Variants in IGFL4 observed in about 807,000 individuals in gnomAD.
The protein encoded by IGFL4 is insulin growth factor-like family member 4.
A neutral mutation model predicts 15.4 loss-of-function variants in IGFL4; 12 were observed. The ratio of observed to expected loss-of-function variants is 0.78; its 90% CI spans 0.50 to 1.26. The LOEUF is 1.26. Among genes scored for constraint, IGFL4 ranks in the 50% most tolerant of loss-of-function variants. IGFL4 has a pLI of 0.00. For synonymous variants in IGFL4, 54 were observed against 55.9 expected, an observed-to-expected ratio of 0.97 and a Z score of 0.16; for missense variants, 126 against 147.8, an observed-to-expected ratio of 0.85 and a Z score of 0.76.
chr19:46,056,281 CAT>C (rs1254898808), intron 2 of IGFL4, among the ~76,000 whole-genome samples: 13 of 152,236 alleles, frequency 8.5e-5, no homozygotes, highest in Non-Finnish European at 1.9e-4. Flanking sequence ...GTTCACATCT[CAT>C]GTGCTCAATT....
At position 46,040,308 on chromosome 19, in the gene IGFL4, C is replaced by T. The variant is rs17271272; in HGVS notation, c.179G>A (p.Arg60Gln). Residue 60 changes from arginine (R) to glutamine (Q), a missense_variant, in exon 3 of 4, where the codon CGG becomes CAG. Arg to Gln is a conservative substitution (Grantham distance 43, BLOSUM62 1). Coordinates refer to ENST00000377697, the MANE Select transcript of IGFL4 (RefSeq NM_001002923.3). This position sits in a 1 kb window ranked among gnomAD's most constrained non-coding sequence, Gnocchi z 4.1. Reference sequence around the variant, plus strand: ...GAAGGTGCAGCTGGAGCCGCAGAGCCGGGTCTGGTTCAAGTCTAGGATGAC... The same window carrying T: ...GAAGGTGCAGCTGGAGCCGCAGAGCTGGGTCTGGTTCAAGTCTAGGATGAC... ...DGVILDLNQT[R>Q]LCGSSCTFWP... 239,458 of 1,613,996 alleles carry T rather than the reference C, an allele frequency of 0.15. 18,893 individuals carry two copies. The highest frequency in any genetic ancestry group is 0.2 in the South Asian group (18,130 of 91,064).
intron 3 of IGFL4, 62 bp from the exon 4 acceptor site, chr19:46,039,998 G>A (rs2146507214): frequency 6.6e-7 from 1 of 1,521,998 alleles, no homozygotes; most frequent in South Asian, 1.1e-5. Context: ...CAGTGGCGGG[G>A]AAGGAACAGA....
chr19:46,072,764 T>C (rs1246551745), intron 1 of IGFL4, among the ~76,000 whole-genome samples: 1 of 152,118 alleles, frequency 6.6e-6, no homozygotes, highest in Non-Finnish European at 1.5e-5. Flanking sequence ...GTGTGAAATA[T>C]AGTGGCAGCC....
chr19:46,074,985 T>C (rs546446185), intron 1 of IGFL4, among the ~76,000 whole-genome samples: 5 of 152,306 alleles, frequency 3.3e-5, no homozygotes, highest in South Asian at 2.1e-4. Flanking sequence ...TAAGCCCAGA[T>C]TGAAGAGGAA....
intron 2 of IGFL4, among the ~76,000 whole-genome samples, chr19:46,055,014 G>A (rs1969380290): frequency 6.6e-6 from 1 of 152,084 alleles, no homozygotes; most frequent in South Asian, 2.1e-4. Flanking sequence ...GACATCTTTG[G>A]TGTCTTGGTG....
At chr19:46,041,437 T>C (rs1969241993), upstream of IGFL4, among the ~76,000 whole-genome samples, 1 of 152,222 alleles carries the variant, frequency 6.6e-6, no homozygotes, top group South Asian at 2.1e-4. Context: ...GCACTGTCTA[T>C]AATTTTTCAG....
intron 2 of IGFL4, chr19:46,058,504 C>A: frequency 6.6e-6 from 1 of 152,448 alleles, no homozygotes; most frequent in Non-Finnish European, 1.5e-5. Context: ...GGACGCTGGC[C>A]CTCTCCTCAC....
intron 2 of IGFL4, among the ~76,000 whole-genome samples, chr19:46,052,653 C>T (rs921576343): frequency 1.3e-4 from 19 of 150,902 alleles, no homozygotes; most frequent in South Asian, 2.1e-4. Context: ...ACCCAGGAGT[C>T]GGAGGTTGCA....
At chr19:46,055,934 G>T (rs1486041887) in intron 2 of IGFL4, among the ~76,000 whole-genome samples, 1 of 152,032 alleles carries the variant, frequency 6.6e-6, no homozygotes, top group Non-Finnish European at 1.5e-5. Context: ...CCACCACCGT[G>T]CCCAGCTAAT....
rs1390304764 is a variant in IGFL4, at chr19:46,058,090, T to C, written c.-323+2095A>G. 2.0e-5 allele frequency: 3 copies of C among 152,096 alleles called. No homozygotes were observed. The East Asian group carries it at 5.8e-4, about 29-fold the overall frequency. The allele number at this position is 152,096 out of a possible 1,614,324, so 9.4% of individuals were successfully genotyped here. The stretch of plus-strand genomic sequence containing the variant: ...ATTCTTAACTCATTTCAGCATAAAC[T>C]TAAAAGTCCATAGTCCAAAGTCTCA... On this transcript the variant is annotated intron_variant, in intron 2 of 5. Transcript: ENST00000601672.
At chr19:46,062,226 C>T (rs1360076485) in intron 1 of IGFL4, among the ~76,000 whole-genome samples, 1 of 152,138 alleles carries the variant, frequency 6.6e-6, no homozygotes, top group African/African-American at 2.4e-5. Context: ...TGAACTTTAC[C>T]AAAGGAAAAC....
Position 46,057,571 on chromosome 19 carries a change from G to T in IGFL4, c.-323+2614C>A, listed in dbSNP as rs555199441. 2.8e-4 allele frequency: 43 copies of T among 152,286 alleles called. 1 individual carries two copies. The Middle Eastern group carries it at 0.017, about 60-fold the overall frequency. The allele number at this position is 152,286 out of a possible 1,614,324, so 9.4% of individuals were successfully genotyped here. A position where few individuals can be genotyped will look rare whatever the true frequency, so the allele number is the denominator to read the frequency against. On this transcript the variant is annotated intron_variant, in intron 2 of 5. Transcript: ENST00000601672. Reference sequence around the variant, plus strand: ...ACTCCATAGGCAGAGCAGCCCTAAGGGCTGCTGGTTGCCCATTTTTATGGT... The same window carrying T: ...ACTCCATAGGCAGAGCAGCCCTAAGTGCTGCTGGTTGCCCATTTTTATGGT...
Position 46,040,152 on chromosome 19 carries a change from C to A in IGFL4, c.330+5G>T, listed in dbSNP as rs1969223240. On this transcript the variant is annotated splice_donor_5th_base_variant and intron_variant, in intron 3 of 3. Coordinates refer to ENST00000377697, the MANE Select transcript of IGFL4 (RefSeq NM_001002923.3). This position sits in a 1 kb window ranked among gnomAD's most constrained non-coding sequence, Gnocchi z 4.1. The stretch of plus-strand genomic sequence containing the variant: ...CCACAGCCTGGACTGGAGTCAGATC[C>A]TTACCTGGGCACAGATCCTGGTGAT... The A allele has an allele frequency of 6.2e-7, 1 of 1,613,318 alleles. No homozygotes were observed. Among genetic ancestry groups the A allele is most frequent in the African/African-American group, 1.3e-5 (1 of 74,942 alleles).
chr19:46,049,427 G>A (rs1969325352), intron 2 of IGFL4, among the ~76,000 whole-genome samples: 1 of 152,190 alleles, frequency 6.6e-6, no homozygotes, highest in Non-Finnish European at 1.5e-5. Flanking sequence ...TGTTAGGGGG[G>A]CATAGTGGGA....
chr19:46,055,331 G>A (rs1418222709), intron 2 of IGFL4, among the ~76,000 whole-genome samples: 1 of 151,978 alleles, frequency 6.6e-6, no homozygotes, highest in Non-Finnish European at 1.5e-5. Flanking sequence ...GAGTTCAACA[G>A]TTTCTCCTGC....
intron 2 of IGFL4, chr19:46,058,546 CTG>C (rs1969415146): frequency 6.6e-6 from 1 of 152,346 alleles, no homozygotes; most frequent in East Asian, 1.9e-4. Context: ...AGTGGGGACT[CTG>C]TGTGGGGTTT....
intron 2 of IGFL4, among the ~76,000 whole-genome samples, chr19:46,047,866 G>A (rs755012820): frequency 4.5e-4 from 69 of 152,170 alleles, no homozygotes; most frequent in Middle Eastern, 3.4e-3. Context: ...CAATTTCTAC[G>A]GAAACTATTC....
intron 1 of IGFL4, among the ~76,000 whole-genome samples, chr19:46,074,170 G>A (rs1054005171): frequency 1.3e-5 from 2 of 151,562 alleles, no homozygotes; most frequent in African/African-American, 4.9e-5. Flanking sequence ...TGGCTAGGGG[G>A]GTCTTAGTTC....
chr19:46,073,685 CAG>C (rs949454650), intron 1 of IGFL4, among the ~76,000 whole-genome samples: 14 of 152,314 alleles, frequency 9.2e-5, no homozygotes, highest in African/African-American at 3.1e-4. Context: ...ACTTCCCTGA[CAG>C]AGAATCATTC....
Sources: gnomAD v4.1 joint callset for allele counts (sites outside exome capture counted in the v4.1 genomes callset) on GRCh38, gnomAD v4.1.1 for gene constraint, Gnocchi (gnomAD v3.1) non-coding constraint, MANE v1.5 for transcripts, NCBI Gene and HGNC (gene_info 2026-07-23, HGNC 2026-07-21) for gene names.